The following FOCAD variants were observed in gnomAD, a reference collection of about 807,000 sequenced individuals.
The protein encoded by FOCAD is KIAA1797.
Under a neutral mutation model 225.6 loss-of-function variants are expected in FOCAD, and 198 were observed. That is an observed-to-expected ratio of 0.88 (90% CI 0.78 to 0.99). The LOEUF (loss-of-function observed/expected upper bound fraction) is 0.99. Ranked by LOEUF, FOCAD falls within the 50% of genes least tolerant of loss-of-function variation. The probability of loss-of-function intolerance (pLI) is 0.00; values close to 1 mark genes in which losing one functional copy is unlikely to be tolerated. For synonymous variants in FOCAD, 897 were observed against 755.0 expected (o/e 1.19, Z -3.08); for missense variants, 2,713 against 2,123.6 (o/e 1.28, Z -5.46).
At chr9:20,891,698 A>C (rs1986651) in intron 21 of FOCAD, among the ~76,000 whole-genome samples, 2,848 of 152,322 alleles carry the variant, frequency 0.019, 101 homozygotes, top group African/African-American at 0.062. Context: ...AGGTGTAAGG[A>C]AAGAAGCGAT....
At chr9:20,968,585 G>A (rs1317199062) in intron 35 of FOCAD, among the ~76,000 whole-genome samples, 1 of 151,594 alleles carries the variant, frequency 6.6e-6, no homozygotes, top group African/African-American at 2.4e-5. Context: ...GGGATTACAG[G>A]CGTCTGCCAC....
At chr9:20,656,271 G>T (rs1333838905), upstream of FOCAD, among the ~76,000 whole-genome samples, 4 of 151,722 alleles carry the variant, frequency 2.6e-5, no homozygotes, top group East Asian at 1.9e-4. Flanking sequence ...GGGGTGGAGA[G>T]TTCTGTAGAT....
chr9:20,882,379 G>A (rs554177707), intron 20 of FOCAD, among the ~76,000 whole-genome samples: 4 of 152,274 alleles, frequency 2.6e-5, no homozygotes, highest in Admixed American at 1.3e-4. Flanking sequence ...GGACTAGGGC[G>A]ACAAATTAGA....
At chr9:20,701,579 C>T (rs1019165406) in intron 1 of FOCAD, among the ~76,000 whole-genome samples, 10 of 152,156 alleles carry the variant, frequency 6.6e-5, no homozygotes, top group African/African-American at 2.2e-4. Context: ...TGACAATTGT[C>T]GTGATGGAAG....
chr9:20,848,354 C>G (rs1827324192), intron 15 of FOCAD, among the ~76,000 whole-genome samples: 2 of 152,060 alleles, frequency 1.3e-5, no homozygotes, highest in South Asian at 4.1e-4. Context: ...AGGACCCTCT[C>G]TGGAATAGAG....
At chr9:20,967,279 A>G (rs1439193643) in intron 35 of FOCAD, among the ~76,000 whole-genome samples, 2 of 152,024 alleles carry the variant, frequency 1.3e-5, no homozygotes, top group Non-Finnish European at 2.9e-5. Flanking sequence ...TTTGAGTGCT[A>G]TTGCAAGTGG....
intron 4 of FOCAD, among the ~76,000 whole-genome samples, chr9:20,737,451 C>G (rs937123220): frequency 2.0e-5 from 3 of 152,196 alleles, no homozygotes; most frequent in Non-Finnish European, 4.4e-5. Flanking sequence ...AATTCATCAA[C>G]ACTGGTCATT....
intron 1 of FOCAD, among the ~76,000 whole-genome samples, chr9:20,686,789 T>G (rs560173065): frequency 1.2e-3 from 182 of 152,276 alleles, no homozygotes; most frequent in African/African-American, 4.3e-3. Flanking sequence ...TCACAATTAG[T>G]AATAGATTGA....
chr9:20,944,556 C>T, intron 28 of FOCAD, 71 bp from the exon 29 acceptor site: 1 of 1,535,988 alleles, frequency 6.5e-7, no homozygotes, highest in South Asian at 1.2e-5. Flanking sequence ...TCTGTAAACA[C>T]CCGTGGTAAG....
intron 11 of FOCAD, among the ~76,000 whole-genome samples, chr9:20,796,705 C>T (rs1227899341): frequency 6.6e-6 from 1 of 152,098 alleles, no homozygotes; most frequent in Admixed American, 6.5e-5. Flanking sequence ...TTTGTAGATT[C>T]TGGGTATTAG....
rs1467174728 is a variant in FOCAD at position 20,821,051 on chromosome 9, C to T, written c.1773C>T (p.Ile591=). Residue 591 remains isoleucine (I), a synonymous_variant, in exon 14 of 44, where the codon ATC becomes ATT. Coordinates refer to ENST00000338382, the MANE Select transcript of FOCAD (RefSeq NM_001375567.1). The part of the protein sequence containing the change: ...WEKLIAKAAS[I]RDICKQRPYQ... ...AACTGATTGCAAAAGCAGCATCAAT[C>T]AGAGATATATGTAAGCAGAGGTATG... 1 of 1,612,364 alleles carries T rather than the reference C, an allele frequency of 6.2e-7. No homozygotes were observed.
intron 28 of FOCAD, 55 bp downstream of exon 28, chr9:20,933,158 G>A: frequency 8.2e-7 from 1 of 1,212,408 alleles, no homozygotes. Context: ...TCCCTACACT[G>A]CCATAAGTCT....
intron 4 of FOCAD, among the ~76,000 whole-genome samples, chr9:20,737,727 A>G (rs1827263417): frequency 6.6e-6 from 1 of 152,196 alleles, no homozygotes. Context: ...GAGATTGTAT[A>G]TTTCATGGTA....
chr9:20,885,355 C>A, intron 21 of FOCAD, 125 bp downstream of exon 21: 5 of 982,032 alleles, frequency 5.1e-6, no homozygotes, highest in Non-Finnish European at 6.7e-6. Context: ...TAAAGGCCAC[C>A]AAAATAGTTG....
At chr9:20,705,938 T>G (rs1824348501) in intron 1 of FOCAD, among the ~76,000 whole-genome samples, 1 of 143,996 alleles carries the variant, frequency 6.9e-6, no homozygotes, top group African/African-American at 2.6e-5. Flanking sequence ...TTTTTTTTTT[T>G]TTTTTTTTTT....
intron 1 of FOCAD, among the ~76,000 whole-genome samples, chr9:20,714,604 T>TTGCCTGCCTGCCTGCCTGCC (rs199729075): frequency 0.011 from 668 of 59,296 alleles, 40 homozygotes; most frequent in East Asian, 0.03. Context: ...TTTTGCATGC[T>TTGCCTGCCTGCCTGCCTGCC]TGCCTGCCTG....
chr9:20,891,386 G>A (rs71504753), intron 21 of FOCAD, among the ~76,000 whole-genome samples: 29,952 of 152,176 alleles, frequency 0.2, 3,564 homozygotes, highest in South Asian at 0.32. Flanking sequence ...TGAAAGCTGA[G>A]ATAGGCTGAA....
At chr9:20,803,993 G>T (rs933835366) in intron 11 of FOCAD, among the ~76,000 whole-genome samples, 2 of 152,266 alleles carry the variant, frequency 1.3e-5, no homozygotes, top group South Asian at 2.1e-4. Context: ...CAGTGTGGGA[G>T]TAAGACATGT....
At position 20,949,691 on chromosome 9, in the gene FOCAD, T is replaced by G; in HGVS notation, c.3948+16T>G. 1.2e-6 allele frequency: 2 copies of G among 1,600,810 alleles called. No homozygotes were observed. The highest frequency in any genetic ancestry group is 1.7e-6 in the Non-Finnish European group (2 of 1,168,576). ...CTTAACTCAGGTGAGAAAATGAATT[T>G]AAAATCCTTGGGTGGAAAACATATC... On this transcript the variant is annotated intron_variant, in intron 33 of 43. Transcript: ENST00000338382.
Sources: gnomAD v4.1 joint callset for allele counts (sites outside exome capture counted in the v4.1 genomes callset) on GRCh38, gnomAD v4.1.1 for gene constraint, MANE v1.5 for transcripts, NCBI Gene and HGNC (gene_info 2026-07-23, HGNC 2026-07-21) for gene names.